The following USH2A variants were observed in gnomAD, a reference collection of about 807,000 sequenced individuals.
USH2A encodes Usher syndrome 2A (autosomal recessive, mild).
A neutral mutation model predicts 538.9 loss-of-function variants in USH2A; 443 were observed. The observed-to-expected ratio is 0.82, with a 90% CI of 0.76 to 0.89. The LOEUF is 0.89. Ranked by LOEUF, USH2A falls within the 40% of genes least tolerant of loss-of-function variation. The probability of loss-of-function intolerance (pLI) is 0.00; values close to 1 mark genes in which losing one functional copy is unlikely to be tolerated. For missense variants in USH2A, 6,633 were observed against 6,324.8 expected (o/e 1.05, Z -1.65); for synonymous variants, 2,413 against 2,273.5 (o/e 1.06, Z -1.75).
At chr1:215,721,435 T>C (rs1476030827) in intron 61 of USH2A, among the ~76,000 whole-genome samples, 1 of 152,136 alleles carries the variant, frequency 6.6e-6, no homozygotes, top group African/African-American at 2.4e-5. Flanking sequence ...CGTTGATCCT[T>C]GCCACTGAAA....
At chr1:215,734,342 A>G (rs1660091989) in intron 60 of USH2A, among the ~76,000 whole-genome samples, 2 of 152,144 alleles carry the variant, frequency 1.3e-5, no homozygotes. Flanking sequence ...CTGGCCCTCA[A>G]AACCATTCTT....
rs148133037 is a variant in USH2A, at chr1:215,911,870, G to A, written c.7301-10965C>T. On this transcript the variant is annotated intron_variant, in intron 38 of 71. Transcript: ENST00000307340. ...TTTCTCCACATCCTTGACAGCTTTT[G>A]TTATTTATTGCCTGTTTTTTGGACA... is the stretch of plus-strand genomic sequence containing the variant. Among the ~76,000 whole-genome samples, 502 of 152,026 alleles carry A rather than the reference G, an allele frequency of 3.3e-3. 4 individuals carry two copies. Among genetic ancestry groups the A allele is most frequent in the African/African-American group, 0.012 (481 of 41,524 alleles).
chr1:216,364,047 T>A (rs1057491621), intron 4 of USH2A, among the ~76,000 whole-genome samples: 5 of 150,708 alleles, frequency 3.3e-5, no homozygotes, highest in African/African-American at 9.7e-5. Context: ...ATATATTATA[T>A]AATAATATAA....
At chr1:215,960,554 C>T (rs1448356499) in intron 37 of USH2A, among the ~76,000 whole-genome samples, 1 of 151,976 alleles carries the variant, frequency 6.6e-6, no homozygotes, top group African/African-American at 2.4e-5. Context: ...TATTCCAGGT[C>T]AGTAAATGGC....
intron 13 of USH2A, among the ~76,000 whole-genome samples, chr1:216,234,419 G>A (rs2102526474): frequency 6.6e-6 from 1 of 152,262 alleles, no homozygotes; most frequent in Non-Finnish European, 1.5e-5. Context: ...CCACCTGACA[G>A]CAATTTCCCT....
In USH2A at chr1:215,817,037, T is replaced by G. The variant is rs1221559839; in HGVS notation, c.9530A>C (p.Glu3177Ala). The change falls in exon 48 of 72, where the codon GAA becomes GCA. Residue 3177 changes from glutamate (E) to alanine (A), a missense_variant. Physicochemically the swap from Glu to Ala is moderately radical, Grantham distance 107 (BLOSUM62 -1). Transcript: ENST00000307340. The stretch of plus-strand genomic sequence containing the variant: ...ATAGCAAATGTGTCCACAGATAGAT[T>G]CAGGTTTTTGACACCTCACTGCCTT... ...LCKAVRCQKP[E>A]SICGHICYSS... is the part of the protein sequence containing the mutation. 6.2e-7 allele frequency: 1 copy of G among 1,612,680 alleles called. No individual in the cohort carries two copies. Among genetic ancestry groups the G allele is most frequent in the South Asian group, 1.1e-5 (1 of 91,062 alleles).
At chr1:215,948,813 C>T (rs571622312) in intron 37 of USH2A, among the ~76,000 whole-genome samples, 3 of 152,102 alleles carry the variant, frequency 2.0e-5, no homozygotes, top group African/African-American at 7.2e-5. Flanking sequence ...ATATTTACTT[C>T]ATAAGCTTAT....
At chr1:215,849,256 CA>C (rs1278683458) in intron 44 of USH2A, among the ~76,000 whole-genome samples, 2 of 151,250 alleles carry the variant, frequency 1.3e-5, no homozygotes, top group East Asian at 3.9e-4. Context: ...CATGGTGTAC[CA>C]AAAATAAAAA....
At chr1:215,846,082 G>A (rs772874253) in intron 44 of USH2A, 49 bp from the exon 45 acceptor site, 7 of 1,566,508 alleles carry the variant, frequency 4.5e-6, no homozygotes, top group Non-Finnish European at 6.1e-6. Context: ...AGGCTTTCAG[G>A]GGAAAAAAAA....
intron 37 of USH2A, among the ~76,000 whole-genome samples, chr1:215,947,413 A>G (rs1021116251): frequency 1.3e-5 from 2 of 152,218 alleles, no homozygotes; most frequent in African/African-American, 2.4e-5. Flanking sequence ...TCAAAATTAT[A>G]TATGTAGCTC....
At chr1:216,261,586 T>C (rs902714206) in intron 11 of USH2A, among the ~76,000 whole-genome samples, 8 of 150,882 alleles carry the variant, frequency 5.3e-5, no homozygotes, top group Non-Finnish European at 7.4e-5. Flanking sequence ...GAAAAAAAAT[T>C]AAAGGAATAA....
At chr1:215,841,635 G>A (rs558638169) in intron 46 of USH2A, among the ~76,000 whole-genome samples, 6 of 152,198 alleles carry the variant, frequency 3.9e-5, no homozygotes, top group African/African-American at 1.4e-4. Flanking sequence ...ATAGGCACAG[G>A]CAAACATTTC....
At position 216,356,672 on chromosome 1, in the gene USH2A, A is replaced by T. The variant is rs566680128; in HGVS notation, c.784+8281T>A. 2.0e-5 allele frequency among the ~76,000 whole-genome samples: 3 copies of T among 152,212 alleles called. No homozygotes were observed. In the Middle Eastern group the frequency reaches 0.01, roughly 518 times the overall value. On this transcript the variant is annotated intron_variant, in intron 4 of 71. Coordinates refer to ENST00000307340, the MANE Select transcript of USH2A (RefSeq NM_206933.4). ...TATTTCATTCCTCTTGATGGTGTAT[A>T]CTATTCCACAGTAGGCATGAATTAT...
At chr1:216,066,295 CCT>C (rs2031366642) in intron 30 of USH2A, among the ~76,000 whole-genome samples, 2 of 151,848 alleles carry the variant, frequency 1.3e-5, no homozygotes, top group African/African-American at 4.8e-5. Flanking sequence ...ATGGTGAAAC[CCT>C]GTCTCCACTA....
intron 32 of USH2A, among the ~76,000 whole-genome samples, chr1:216,025,601 T>C (rs1344510364): frequency 6.6e-6 from 1 of 152,118 alleles, no homozygotes; most frequent in African/African-American, 2.4e-5. Flanking sequence ...TGAAATGTTT[T>C]TTCAGAGGAA....
intron 30 of USH2A, among the ~76,000 whole-genome samples, chr1:216,053,751 TG>T (rs2030877990): frequency 6.6e-6 from 1 of 152,198 alleles, no homozygotes; most frequent in African/African-American, 2.4e-5. Flanking sequence ...TAAGCGATAA[TG>T]CATTTTGCAT....
chr1:215,999,502 G>C (rs1361088764), intron 33 of USH2A, among the ~76,000 whole-genome samples: 1 of 152,100 alleles, frequency 6.6e-6, no homozygotes, highest in African/African-American at 2.4e-5. Context: ...AATCAGGCAG[G>C]ACTTCTTGAA....
chr1:216,109,020 T>G lies in USH2A; in HGVS notation c.4628-11807A>C, dbSNP rs191086228. On this transcript the variant is annotated intron_variant, in intron 21 of 71. Coordinates refer to ENST00000307340, the MANE Select transcript of USH2A (RefSeq NM_206933.4). ...AGTTCACTTGTGTTTAGCTCAACCT[T>G]CAACCATTGGTGATGCCACCTTTTG... is the stretch of plus-strand genomic sequence containing the variant. Among the ~76,000 whole-genome samples the G allele has an allele frequency of 1.0e-3, 152 of 152,270 alleles. 1 individual carries two copies. Among genetic ancestry groups the G allele is most frequent in the African/African-American group, 3.5e-3 (147 of 41,564 alleles).
chr1:216,135,118 T>C, intron 21 of USH2A, among the ~76,000 whole-genome samples: 1 of 150,302 alleles, frequency 6.7e-6, no homozygotes, highest in Middle Eastern at 3.2e-3. Flanking sequence ...CATTAATATC[T>C]GTCTTGGAGC....
Sources: allele counts gnomAD v4.1 joint callset (sites outside exome capture counted in the v4.1 genomes callset), GRCh38; gene constraint gnomAD v4.1.1; transcripts MANE v1.5; gene names NCBI Gene and HGNC (gene_info 2026-07-23, HGNC 2026-07-21).